GSX2: variants seen among roughly 807,000 people sequenced by gnomAD.
GSX2 encodes the protein genetic-screened homeobox 2.
GSX2 carries 16 observed loss-of-function variants against 19.2 expected under a neutral mutation model. The ratio of observed to expected loss-of-function variants is 0.84; its 90% CI spans 0.57 to 1.27. GSX2 has a LOEUF of 1.27. Among genes scored for constraint, GSX2 ranks in the 50% most tolerant of loss-of-function variants. The pLI, the probability that GSX2 is intolerant of heterozygous loss-of-function variation, is 0.00. For missense variants in GSX2, 448 were observed against 428.4 expected (o/e 1.05, Z -0.40); for synonymous variants, 217 against 196.4 (o/e 1.10, Z -0.88).
In GSX2 at chr4:54,100,562, G is replaced by C. The variant is rs375038462; in HGVS notation, c.218G>C (p.Arg73Pro). 1.9e-6 allele frequency: 3 copies of C among 1,596,018 alleles called. No individual in the cohort carries two copies. Among genetic ancestry groups the C allele is most frequent in the East Asian group, 2.3e-5 (1 of 43,974 alleles). Residue 73 changes from arginine (R) to proline (P), a missense_variant, in exon 1 of 2, where the codon CGG becomes CCG. By Grantham distance (103) the Arg-to-Pro change is moderately radical. Coordinates refer to ENST00000326902, the MANE Select transcript of GSX2 (RefSeq NM_133267.3). The stretch of plus-strand genomic sequence containing the variant: ...GTCACTTCGCACCTGCACTCCTCTC[G>C]GGGGTCTGTGGGCGCCGGCAGCGGG... ...LCVTSHLHSSRGSVGAGSGGA... is the reference protein window; with the variant it reads ...LCVTSHLHSSPGSVGAGSGGA...
At position 54,101,859 on chromosome 4, in the gene GSX2, C is replaced by A. The variant is rs756169891; in HGVS notation, c.852C>A (p.Ser284=). The A allele has an allele frequency of 2.3e-5, 37 of 1,613,902 alleles. No individual in the cohort carries two copies. Among genetic ancestry groups the A allele is most frequent in the Non-Finnish European group, 3.0e-5 (35 of 1,179,954 alleles). ...GGAGCCAGGTGCACTACGCGCGCTC[C>A]GAGGATGAGGACTCCCTGTCGCCGG... ...CVGSQVHYAR[S]EDEDSLSPAS... is the part of the protein sequence containing the mutation. The change falls in exon 2 of 2, where the codon TCC becomes TCA. Residue 284 remains serine (S), a synonymous_variant. Transcript: ENST00000326902. This position sits in a 1 kb window ranked among gnomAD's most constrained non-coding sequence, Gnocchi z 5.0.
chr4:54,101,026 A>G lies in GSX2; in HGVS notation c.574+108A>G. On this transcript the variant is annotated intron_variant, in intron 1 of 1. Coordinates refer to ENST00000326902, the MANE Select transcript of GSX2 (RefSeq NM_133267.3). The surrounding 1 kb of genome is among the most constrained non-coding windows in gnomAD (Gnocchi z 5.0). ...GAGCCCGGGGACAGGGTGAAGAGAG[A>G]GGACGGGCTTTTAGTGTAACCGTAG... The G allele has an allele frequency of 1.0e-6, 1 of 958,024 alleles. No homozygotes were observed. Among genetic ancestry groups the G allele is most frequent in the Non-Finnish European group, 1.5e-6 (1 of 677,198 alleles). 59.3% of individuals were successfully genotyped at this position (958,024 alleles called of 1,614,324 possible).
rs921321898 is a variant in GSX2 at position 54,100,781 on chromosome 4, C to G, written c.437C>G (p.Ser146Trp). ...HHHHQPQQPG[S>W]AAAAAAAAAA... ...CATCATCAGCCCCAGCAGCCTGGCTCGGCCGCGGCGGCGGCAGCAGCAGCA... is the reference window on the plus strand; with the variant it reads ...CATCATCAGCCCCAGCAGCCTGGCTGGGCCGCGGCGGCGGCAGCAGCAGCA... Residue 146 changes from serine to tryptophan, a missense_variant, in exon 1 of 2, where the codon TCG (serine) becomes TGG (tryptophan). By Grantham distance (177) the Ser-to-Trp change is radical. Coordinates refer to ENST00000326902, the MANE Select transcript of GSX2 (RefSeq NM_133267.3). 1 of 1,464,846 alleles carries G rather than the reference C, an allele frequency of 6.8e-7. No homozygotes were observed. The highest frequency in any genetic ancestry group is 1.5e-5 in the African/African-American group (1 of 66,918). 90.7% of individuals were successfully genotyped at this position (1,464,846 alleles called of 1,614,324 possible).
Position 54,100,704 on chromosome 4 carries a change from G to C in GSX2, c.360G>C (p.Pro120=). Residue 120 remains proline (P), a synonymous_variant, in exon 1 of 2, where the codon CCG becomes CCC. Coordinates refer to ENST00000326902, the MANE Select transcript of GSX2 (RefSeq NM_133267.3). ...CTCCTGGGGACGCGCAGTTTTGCCC[G>C]CGGGTGAACCATGCGCATCATCACC... is the stretch of plus-strand genomic sequence containing the variant. ...SSAPGDAQFC[P]RVNHAHHHHH... is the part of the protein sequence containing the mutation. 6.5e-7 allele frequency: 1 copy of C among 1,549,056 alleles called. No individual in the cohort carries two copies. The highest frequency in any genetic ancestry group is 8.7e-7 in the Non-Finnish European group (1 of 1,146,258).
rs1216865316 is a variant in GSX2, at chr4:54,102,199, G to C, written c.*277G>C. ...TTGTCGTATAACAGAGGAAAAACAG[G>C]GTTGGTTTAAGTTTAACACTGTATG... On this transcript the variant is annotated 3_prime_UTR_variant, in exon 2 of 2. Coordinates refer to ENST00000326902, the MANE Select transcript of GSX2 (RefSeq NM_133267.3). 2 of 420,346 alleles carry C rather than the reference G, an allele frequency of 4.8e-6. No individual in the cohort carries two copies. The highest frequency in any genetic ancestry group is 4.3e-5 in the East Asian group (1 of 23,062). The allele number at this position is 420,346 out of a possible 1,614,324, so 26.0% of individuals were successfully genotyped here. A position where few individuals can be genotyped will look rare whatever the true frequency, so the allele number is the denominator to read the frequency against.
Position 54,100,856 on chromosome 4 carries a change from C to G in GSX2, c.512C>G (p.Pro171Arg). 6.4e-7 allele frequency: 1 copy of G among 1,557,632 alleles called. No homozygotes were observed. The highest frequency in any genetic ancestry group is 1.2e-5 in the South Asian group (1 of 86,426). Residue 171 changes from proline to arginine, a missense_variant, in exon 1 of 2, where the codon CCT becomes CGT. Physicochemically the swap from Pro to Arg is moderately radical, Grantham distance 103. Coordinates refer to ENST00000326902, the MANE Select transcript of GSX2 (RefSeq NM_133267.3). ...TTGGGGCACCCGCAGCACCACGCAC[C>G]TGTCTGCACCGCCACCACCTACAAC... Reference protein sequence around the residue: ...AALGHPQHHAPVCTATTYNVA... With the variant: ...AALGHPQHHARVCTATTYNVA...
Position 54,101,034 on chromosome 4 carries a change from CT to C in GSX2, c.574+120del. On this transcript the variant is annotated intron_variant, in intron 1 of 1. Coordinates refer to ENST00000326902, the MANE Select transcript of GSX2 (RefSeq NM_133267.3). The surrounding 1 kb of genome is among the most constrained non-coding windows in gnomAD (Gnocchi z 5.0). ...GGACAGGGTGAAGAGAGAGGACGGGCTTTTAGTGTAACCGTAGAGTCAGCCA... is the reference window on the plus strand; with the variant it reads ...GGACAGGGTGAAGAGAGAGGACGGGCTTTAGTGTAACCGTAGAGTCAGCCA... 1 of 895,784 alleles carries C rather than the reference CT, an allele frequency of 1.1e-6. No individual in the cohort carries two copies. The highest frequency in any genetic ancestry group is 1.6e-6 in the Non-Finnish European group (1 of 624,538). 55.5% of individuals were successfully genotyped at this position (895,784 alleles called of 1,614,324 possible).
At position 54,100,252 on chromosome 4, in the gene GSX2, G is replaced by A. The variant is rs1718132795; in HGVS notation, c.-93G>A. 6 of 1,544,072 alleles carry A rather than the reference G, an allele frequency of 3.9e-6. No individual in the cohort carries two copies. Among genetic ancestry groups the A allele is most frequent in the Non-Finnish European group, 5.2e-6 (6 of 1,149,016 alleles). On this transcript the variant is annotated 5_prime_UTR_variant, in exon 1 of 2. It adds an upstream start codon to the 5' untranslated region. Transcript: ENST00000326902. ...TGCGTCCCCAAGGGCTTGACTGCCC[G>A]TGTCTGCGCGGCTCCCAGGGCAGAG...
At position 54,101,898 on chromosome 4, in the gene GSX2, T is replaced by C. The variant is rs768585566; in HGVS notation, c.891T>C (p.Asp297=). 1.5e-5 allele frequency: 24 copies of C among 1,609,464 alleles called. No individual in the cohort carries two copies. Among genetic ancestry groups the C allele is most frequent in the East Asian group, 6.7e-5 (3 of 44,804 alleles). The change falls in exon 2 of 2, where the codon GAT becomes GAC. Residue 297 remains aspartate (D), a synonymous_variant. Transcript: ENST00000326902. This position sits in a 1 kb window ranked among gnomAD's most constrained non-coding sequence, Gnocchi z 5.0. ...EDSLSPASAN[D]DKEISPL is the part of the protein sequence containing the mutation. ...CCCTGTCGCCGGCCTCAGCCAACGA[T>C]GACAAGGAGATTTCCCCCTTATGAG... is the stretch of plus-strand genomic sequence containing the variant.
Position 54,101,829 on chromosome 4 carries a change from C to T in GSX2, c.822C>T (p.Cys274=). 1.2e-6 allele frequency: 2 copies of T among 1,614,200 alleles called. No individual in the cohort carries two copies. Among genetic ancestry groups the T allele is most frequent in the Non-Finnish European group, 1.7e-6 (2 of 1,180,034 alleles). The change falls in exon 2 of 2, where the codon TGC becomes TGT. Residue 274 remains cysteine (C), a synonymous_variant. Transcript: ENST00000326902. This position sits in a 1 kb window ranked among gnomAD's most constrained non-coding sequence, Gnocchi z 5.0. ...GGAACAGTCACGCGGGCTGCAAGTG[C>T]GTCGGGAGCCAGGTGCACTACGCGC... The part of the protein sequence containing the change: ...TQRNSHAGCK[C]VGSQVHYARS...
At position 54,100,983 on chromosome 4, in the gene GSX2, C is replaced by T. The variant is rs918899616; in HGVS notation, c.574+65C>T. On this transcript the variant is annotated intron_variant, in intron 1 of 1. Coordinates refer to ENST00000326902, the MANE Select transcript of GSX2 (RefSeq NM_133267.3). ...CGCGCTCCTGGAGCAAACTTTCCAC[C>T]TCCAGTGGAGGAAGTGGGAGCCCGG... is the stretch of plus-strand genomic sequence containing the variant. 2.4e-5 allele frequency: 33 copies of T among 1,400,504 alleles called. No homozygotes were observed. The African/African-American group carries it at 3.2e-4, about 14-fold the overall frequency. The allele number at this position is 1,400,504 out of a possible 1,614,324, so 86.8% of individuals were successfully genotyped here. A position where few individuals can be genotyped will look rare whatever the true frequency, so the allele number is the denominator to read the frequency against.
rs1718161639 is a variant in GSX2 at position 54,100,882 on chromosome 4, G to A, written c.538G>A (p.Val180Met). 1.3e-6 allele frequency: 2 copies of A among 1,573,662 alleles called. No homozygotes were observed. Among genetic ancestry groups the A allele is most frequent in the East Asian group, 2.4e-5 (1 of 42,474 alleles). ...TGTCTGCACCGCCACCACCTACAAC[G>A]TGGCGGACCCGCGGAGATTCCACTG... ...APVCTATTYNVADPRRFHCLT... is the reference protein window; with the variant it reads ...APVCTATTYNMADPRRFHCLT... The change falls in exon 1 of 2, where the codon GTG becomes ATG. Residue 180 changes from valine to methionine, a missense_variant. Coordinates refer to ENST00000326902, the MANE Select transcript of GSX2 (RefSeq NM_133267.3).
At position 54,102,115 on chromosome 4, in the gene GSX2, C is replaced by A; in HGVS notation, c.*193C>A. ...CTTCTTGACCTGTTTATCTAGGACT[C>A]CAACTTGAAGTTACAGATTTTTTTA... is the stretch of plus-strand genomic sequence containing the variant. On this transcript the variant is annotated 3_prime_UTR_variant, in exon 2 of 2. Transcript: ENST00000326902. The A allele has an allele frequency of 3.6e-6, 2 of 552,232 alleles. No individual in the cohort carries two copies. Among genetic ancestry groups the A allele is most frequent in the Non-Finnish European group, 3.2e-6 (1 of 314,916 alleles). The allele number at this position is 552,232 out of a possible 1,614,324, so 34.2% of individuals were successfully genotyped here. A position where few individuals can be genotyped will look rare whatever the true frequency, so the allele number is the denominator to read the frequency against.
chr4:54,100,287 C>G lies in GSX2; in HGVS notation c.-58C>G, dbSNP rs1259406223. ...GGCTCCCAGGGCAGAGCTTAGAACACTAGAGGAGAGGGGTCGCCGCGAACT... is the reference window on the plus strand; with the variant it reads ...GGCTCCCAGGGCAGAGCTTAGAACAGTAGAGGAGAGGGGTCGCCGCGAACT... On this transcript the variant is annotated 5_prime_UTR_variant, in exon 1 of 2. Transcript: ENST00000326902. 4 of 1,596,988 alleles carry G rather than the reference C, an allele frequency of 2.5e-6. No individual in the cohort carries two copies. The highest frequency in any genetic ancestry group is 3.4e-6 in the Non-Finnish European group (4 of 1,175,462).
rs1373462327 is a variant in GSX2 at position 54,102,494 on chromosome 4, C to T, written c.*572C>T. On this transcript the variant is annotated 3_prime_UTR_variant, in exon 2 of 2. Transcript: ENST00000326902. ...TTATTTAAATAAATGAAACAAAAAC[C>T]AGAATTTTAAATCTGTGGTGTTTGC... 1.3e-5 allele frequency: 2 copies of T among 151,876 alleles called. No individual in the cohort carries two copies. Among genetic ancestry groups the T allele is most frequent in the East Asian group, 3.9e-4 (2 of 5,174 alleles). 9.4% of individuals were successfully genotyped at this position (151,876 alleles called of 1,614,324 possible).
At position 54,100,796 on chromosome 4, in the gene GSX2, C is replaced by T; in HGVS notation, c.452C>T (p.Ala151Val). ...CAGCCTGGCTCGGCCGCGGCGGCGGCAGCAGCAGCAGCGGCGGCGGCGGCC... is the reference window on the plus strand; with the variant it reads ...CAGCCTGGCTCGGCCGCGGCGGCGGTAGCAGCAGCAGCGGCGGCGGCGGCC... ...PQQPGSAAAA[A>V]AAAAAAAAAA... Residue 151 changes from alanine (A) to valine (V), a missense_variant, in exon 1 of 2, where the codon GCA (alanine) becomes GTA (valine). Ala to Val is a moderately conservative substitution (Grantham distance 64). Coordinates refer to ENST00000326902, the MANE Select transcript of GSX2 (RefSeq NM_133267.3). 1 of 1,453,386 alleles carries T rather than the reference C, an allele frequency of 6.9e-7. No individual in the cohort carries two copies. The highest frequency in any genetic ancestry group is 9.0e-7 in the Non-Finnish European group (1 of 1,111,146). The allele number at this position is 1,453,386 out of a possible 1,614,324, so 90.0% of individuals were successfully genotyped here. A position where few individuals can be genotyped will look rare whatever the true frequency, so the allele number is the denominator to read the frequency against.
In GSX2 at chr4:54,100,770, G is replaced by C; in HGVS notation, c.426G>C (p.Gln142His). 6.6e-7 allele frequency: 1 copy of C among 1,506,732 alleles called. No individual in the cohort carries two copies. The highest frequency in any genetic ancestry group is 8.8e-7 in the Non-Finnish European group (1 of 1,131,810). The allele number at this position is 1,506,732 out of a possible 1,614,324, so 93.3% of individuals were successfully genotyped here. A position where few individuals can be genotyped will look rare whatever the true frequency, so the allele number is the denominator to read the frequency against. ...ACCACCATCACCATCATCAGCCCCA[G>C]CAGCCTGGCTCGGCCGCGGCGGCGG... The part of the protein sequence containing the change: ...PQHHHHHHQP[Q>H]QPGSAAAAAA... Residue 142 changes from glutamine (Q) to histidine (H), a missense_variant, in exon 1 of 2, where the codon CAG becomes CAC. By Grantham distance (24) the Gln-to-His change is conservative (BLOSUM62 0). Transcript: ENST00000326902.
intron 1 of GSX2, 43 bp downstream of exon 1, chr4:54,100,961 G>T: frequency 6.0e-6 from 9 of 1,499,394 alleles, no homozygotes; most frequent in Admixed American, 2.1e-5. Context: ...CGCCTTTCGC[G>T]CTCCTGGAGC....
chr4:54,101,949 C>A lies in GSX2; in HGVS notation c.*27C>A, dbSNP rs141885097. ...GGAGGGCCTCCTCCCTCACATCCCCCGCTCCTGGCAGACCAGGCAACGCCA... is the reference window on the plus strand; with the variant it reads ...GGAGGGCCTCCTCCCTCACATCCCCAGCTCCTGGCAGACCAGGCAACGCCA... On this transcript the variant is annotated 3_prime_UTR_variant, in exon 2 of 2. Transcript: ENST00000326902. This position sits in a 1 kb window ranked among gnomAD's most constrained non-coding sequence, Gnocchi z 5.0. 2.0e-6 allele frequency: 3 copies of A among 1,520,644 alleles called. No individual in the cohort carries two copies. The highest frequency in any genetic ancestry group is 2.1e-5 in the Admixed American group (1 of 48,756). 94.2% of individuals were successfully genotyped at this position (1,520,644 alleles called of 1,614,324 possible). A position where few individuals can be genotyped will look rare whatever the true frequency, so the allele number is the denominator to read the frequency against.
Sources: gnomAD v4.1 joint callset for allele counts on GRCh38, gnomAD v4.1.1 for gene constraint, Gnocchi (gnomAD v3.1) non-coding constraint, MANE v1.5 for transcripts, NCBI Gene and HGNC (gene_info 2026-07-23, HGNC 2026-07-21) for gene names.